Variants in STARD13 observed in about 807,000 individuals in gnomAD.
STARD13 encodes the protein StAR related lipid transfer domain containing 13.
STARD13 carries 62 observed loss-of-function variants against 106.4 expected under a neutral mutation model. That is an observed-to-expected ratio of 0.58 (90% confidence interval 0.48 to 0.72). The LOEUF (loss-of-function observed/expected upper bound fraction) is 0.72, where lower values mean the gene tolerates loss of function less well. STARD13 is among the 30% of genes least tolerant of loss of function. The pLI is 0.00. For synonymous variants in STARD13, 565 were observed against 553.0 expected (o/e 1.02, Z -0.31); for missense variants, 1,387 against 1,424.0 (o/e 0.97, Z 0.42).
chr13:33,453,966 A>C, the STARD13 span, among the ~76,000 whole-genome samples: 1 of 152,236 alleles, frequency 6.6e-6, no homozygotes. Context: ...TGAGACCCAC[A>C]AGCTAAACAG....
At chr13:33,106,450 A>G (rs184811258) in intron 13 of STARD13, among the ~76,000 whole-genome samples, 72 of 152,304 alleles carry the variant, frequency 4.7e-4, no homozygotes, top group African/African-American at 1.6e-3. Context: ...GGAAACTCTG[A>G]TTTACTGAGT....
chr13:33,367,352 C>A, the STARD13 span, among the ~76,000 whole-genome samples: 2 of 152,096 alleles, frequency 1.3e-5, no homozygotes, highest in African/African-American at 4.8e-5. Context: ...TTGAAAGCTG[C>A]AGACAGTTCT....
At chr13:33,153,500 G>A (rs1446958261) in intron 3 of STARD13, among the ~76,000 whole-genome samples, 1 of 152,182 alleles carries the variant, frequency 6.6e-6, no homozygotes, top group Non-Finnish European at 1.5e-5. Context: ...TAAGCAGCCT[G>A]TGTGCCCTGA....
At chr13:33,441,811 C>T in the STARD13 span, among the ~76,000 whole-genome samples, 4 of 152,062 alleles carry the variant, frequency 2.6e-5, no homozygotes, top group Non-Finnish European at 2.9e-5. Context: ...ATACTTGCCC[C>T]GGGAAAAAGC....
At chr13:33,485,555 G>A in the STARD13 span, among the ~76,000 whole-genome samples, 6 of 152,288 alleles carry the variant, frequency 3.9e-5, no homozygotes, top group African/African-American at 1.4e-4. Context: ...TGTGCTACAT[G>A]AAGATATTGT....
At chr13:33,215,126 G>GGT (rs1287212253) in intron 1 of STARD13, among the ~76,000 whole-genome samples, 75 of 124,034 alleles carry the variant, frequency 6.0e-4, no homozygotes, top group African/African-American at 2.2e-3. Context: ...ACTTGGGGGG[G>GGT]GGGGTGGGGG....
At chr13:33,390,832 T>G in the STARD13 span, among the ~76,000 whole-genome samples, 5 of 152,154 alleles carry the variant, frequency 3.3e-5, no homozygotes, top group Non-Finnish European at 7.3e-5. Context: ...GGAGAACTAC[T>G]CTAGATGCAT....
the STARD13 span, chr13:33,676,735 G>A: frequency 6.6e-6 from 1 of 152,170 alleles, no homozygotes; most frequent in Non-Finnish European, 1.5e-5. Flanking sequence ...CAAATGTGCA[G>A]GATTTATTTT....
chr13:33,553,315 A>G, the STARD13 span, among the ~76,000 whole-genome samples: 5 of 151,896 alleles, frequency 3.3e-5, no homozygotes, highest in South Asian at 1.0e-3. Flanking sequence ...TTAACTTACA[A>G]CTCAGAAGTA....
the STARD13 span, among the ~76,000 whole-genome samples, chr13:33,526,127 CT>C: frequency 6.9e-4 from 101 of 145,834 alleles, no homozygotes; most frequent in Admixed American, 8.2e-4. Context: ...CTGCTGTGTA[CT>C]TTTTTTTTTT....
At chr13:33,154,956 GC>G (rs1484850972) in intron 3 of STARD13, among the ~76,000 whole-genome samples, 4 of 151,692 alleles carry the variant, frequency 2.6e-5, no homozygotes, top group African/African-American at 9.7e-5. Context: ...TTTCCTTGGG[GC>G]TTCTTTTCAC....
chr13:33,617,166 G>A, the STARD13 span, among the ~76,000 whole-genome samples: 3 of 152,094 alleles, frequency 2.0e-5, no homozygotes, highest in African/African-American at 7.2e-5. Flanking sequence ...AACTGCCTGG[G>A]GGCTGAATCA....
the STARD13 span, among the ~76,000 whole-genome samples, chr13:33,396,206 G>A: frequency 1.2e-3 from 175 of 151,248 alleles, no homozygotes; most frequent in African/African-American, 4.0e-3. Flanking sequence ...ATGTTGACCA[G>A]GTTGGTTTTG....
the STARD13 span, among the ~76,000 whole-genome samples, chr13:33,640,306 C>G: frequency 6.6e-6 from 1 of 152,182 alleles, no homozygotes; most frequent in Non-Finnish European, 1.5e-5. Flanking sequence ...TGAGCTTTCC[C>G]TAAACCCTGT....
At chr13:33,525,184 G>A in the STARD13 span, among the ~76,000 whole-genome samples, 9 of 151,614 alleles carry the variant, frequency 5.9e-5, no homozygotes, top group African/African-American at 2.2e-4. Flanking sequence ...ATTATACCTG[G>A]CTACATTTTT....
At chr13:33,466,997 T>C in the STARD13 span, among the ~76,000 whole-genome samples, 4 of 151,810 alleles carry the variant, frequency 2.6e-5, no homozygotes, top group African/African-American at 9.7e-5. Flanking sequence ...ATATAACTTG[T>C]GTGTGGAAGG....
At chr13:33,117,302 G>T (rs1241307296) in intron 8 of STARD13, among the ~76,000 whole-genome samples, 1 of 152,064 alleles carries the variant, frequency 6.6e-6, no homozygotes, top group Non-Finnish European at 1.5e-5. Flanking sequence ...TTAGAGATGG[G>T]GTTTCACCAT....
the STARD13 span, among the ~76,000 whole-genome samples, chr13:33,648,289 G>C: frequency 3.9e-5 from 6 of 152,164 alleles, no homozygotes; most frequent in Non-Finnish European, 5.9e-5. Context: ...ACTTGCCGAG[G>C]CTCACTAGCT....
chr13:33,643,867 C>T, the STARD13 span, among the ~76,000 whole-genome samples: 1 of 152,260 alleles, frequency 6.6e-6, no homozygotes. Context: ...TTCTAGACAT[C>T]TGCTGAGAGA....
Sources: allele counts gnomAD v4.1 joint callset (sites outside exome capture counted in the v4.1 genomes callset), GRCh38; gene constraint gnomAD v4.1.1; transcripts MANE v1.5; gene names NCBI Gene and HGNC (gene_info 2026-07-23, HGNC 2026-07-21).